BRD3: variants seen among roughly 807,000 people sequenced by gnomAD.
BRD3 encodes the protein bromodomain-containing protein 3.
BRD3 carries 17 observed loss-of-function variants against 66.8 expected under a neutral mutation model. That is an observed-to-expected ratio of 0.25 (90% CI 0.17 to 0.38). The LOEUF is 0.38. Among genes scored for constraint, BRD3 ranks in the 10% least tolerant of loss-of-function variants. The pLI is 1.00. For synonymous variants in BRD3, 421 were observed against 393.2 expected, an observed-to-expected ratio of 1.07 and a Z score of -0.84; for missense variants, 713 against 956.1, an observed-to-expected ratio of 0.75 and a Z score of 3.35.
intron 2 of BRD3, 54 bp from the exon 3 acceptor site, chr9:134,052,497 A>T: frequency 6.4e-7 from 1 of 1,565,142 alleles, no homozygotes; most frequent in Non-Finnish European, 8.6e-7. Flanking sequence ...AATTATTTTC[A>T]CAATTCCCAA....
At chr9:134,068,093 GGCCGGGCCCGC>G (rs1180497167), upstream of BRD3, 4 of 143,532 alleles carry the variant, frequency 2.8e-5, no homozygotes, top group Non-Finnish European at 6.2e-5. Context: ...CGTAGTCCGC[GGCCGGGCCCGC>G]GCCGGGGCCG....
chr9:134,051,765 A>T lies in BRD3; in HGVS notation c.352-56T>A, dbSNP rs376273658. The T allele has an allele frequency of 8.4e-6, 13 of 1,550,398 alleles. No individual in the cohort carries two copies. In the African/African-American group the frequency reaches 1.8e-4, roughly 22 times the overall value. ...CAGGAAAGGAGCTGTGTGCTTGCAA[A>T]GGACATTATTAGTTGTAGCTCAAAA... On this transcript the variant is annotated intron_variant, in intron 3 of 11. Transcript: ENST00000303407.
chr9:134,050,050 G>A (rs2132421625), intron 5 of BRD3, among the ~76,000 whole-genome samples: 1 of 152,344 alleles, frequency 6.6e-6, no homozygotes, highest in African/African-American at 2.4e-5. Flanking sequence ...AGCAGGGGAG[G>A]ACCGGGACCC....
At chr9:134,040,523 G>A (rs555480438) in intron 8 of BRD3, among the ~76,000 whole-genome samples, 10 of 152,312 alleles carry the variant, frequency 6.6e-5, no homozygotes, top group Non-Finnish European at 1.2e-4. Context: ...AGCACTGCGC[G>A]GGTGGCACAA....
intron 1 of BRD3, among the ~76,000 whole-genome samples, chr9:134,055,317 G>C (rs922928945): frequency 1.3e-5 from 2 of 152,172 alleles, no homozygotes; most frequent in African/African-American, 4.8e-5. Context: ...GAGTGAAAGC[G>C]AGTCCTGCCC....
rs201974693 is a variant in BRD3, at chr9:134,034,821, C to T, written c.1945G>A (p.Gly649Arg). Residue 649 changes from glycine to arginine, a missense_variant, in exon 11 of 12, where the codon GGG (glycine) becomes AGG (arginine). This residue lies in a region of BRD3 where 418 missense variants were observed against 609.3 expected (regional missense o/e 0.69). Transcript: ENST00000303407. ...TTCGACTTGGCTGCCTGTTTCTTCC[C>T]GCTTGCTGCTGTCGGGGAACAAATG... ...KKQRKPFSAS[G>R]KKQAAKSKEE... is the part of the protein sequence containing the mutation. 2.6e-5 allele frequency: 42 copies of T among 1,611,916 alleles called. No individual in the cohort carries two copies. The highest frequency in any genetic ancestry group is 3.3e-5 in the Non-Finnish European group (39 of 1,180,020).
chr9:134,038,990 C>T (rs986861681), intron 9 of BRD3, among the ~76,000 whole-genome samples: 2 of 152,062 alleles, frequency 1.3e-5, no homozygotes, highest in Admixed American at 1.3e-4. Flanking sequence ...AGACCTATCC[C>T]GACCATTCCA....
intron 1 of BRD3, among the ~76,000 whole-genome samples, chr9:134,067,593 G>T (rs1244812254): frequency 6.8e-6 from 1 of 146,756 alleles, no homozygotes; most frequent in Non-Finnish European, 1.5e-5. Flanking sequence ...CGCGGAGGCC[G>T]GGCTGGCGCG....
At chr9:134,034,537 G>T in intron 11 of BRD3, 164 bp downstream of exon 11, 1 of 1,008,494 alleles carries the variant, frequency 9.9e-7, no homozygotes, top group Non-Finnish European at 1.4e-6. Flanking sequence ...CCCAGTGACA[G>T]ACCAGGAAAT....
At position 134,036,309 on chromosome 9, in the gene BRD3, G is replaced by A. The variant is rs752279707; in HGVS notation, c.1659C>T (p.Gly553=). The A allele has an allele frequency of 1.7e-5, 27 of 1,603,972 alleles. No individual in the cohort carries two copies. The South Asian group carries it at 2.2e-4, about 13-fold the overall frequency. ...TTTAGRQLKK[G]GKQASASYDS... ...CGTAGGAGGCAGATGCCTGCTTGCC[G>A]CCTTTCTTCAGCTGTCTGGGGCAGG... The change falls in exon 10 of 12, where the codon GGC becomes GGT. Residue 553 remains glycine, a synonymous_variant. Coordinates refer to ENST00000303407, the MANE Select transcript of BRD3 (RefSeq NM_007371.4).
intron 5 of BRD3, among the ~76,000 whole-genome samples, chr9:134,049,117 G>C (rs1238972055): frequency 6.6e-6 from 1 of 152,114 alleles, no homozygotes; most frequent in Non-Finnish European, 1.5e-5. Context: ...GGAGAGGAGG[G>C]AGATGACCCA....
intron 10 of BRD3, among the ~76,000 whole-genome samples, chr9:134,035,228 C>T (rs561449796): frequency 2.6e-4 from 39 of 152,316 alleles, no homozygotes; most frequent in African/African-American, 6.3e-4. Flanking sequence ...GCAGGAGGCC[C>T]GGTCTCCACT....
intron 4 of BRD3, among the ~76,000 whole-genome samples, chr9:134,050,793 G>A (rs750859054): frequency 2.6e-5 from 4 of 152,112 alleles, no homozygotes; most frequent in African/African-American, 9.7e-5. Context: ...AGGGCTCCCT[G>A]CATGAAGTGG....
intron 1 of BRD3, among the ~76,000 whole-genome samples, chr9:134,064,365 T>TAAAAAATTAA (rs1461339592): frequency 7.7e-6 from 1 of 129,076 alleles, no homozygotes; most frequent in East Asian, 2.9e-4. Flanking sequence ...CCATCTTTAC[T>TAAAAAATTAA]AAAAAATTAA....
intron 3 of BRD3, 32 bp from the exon 4 acceptor site, chr9:134,051,741 A>AGGAAAGGAGCTGTGTGCTT (rs1485117955): frequency 6.3e-7 from 1 of 1,577,148 alleles, no homozygotes; most frequent in Admixed American, 2.1e-5. Flanking sequence ...GTCACGTGTC[A>AGGAAAGGAGCTGTGTGCTT]GGAAAGGAGC....
chr9:134,050,307 C>G (rs1166921785), intron 5 of BRD3, 67 bp downstream of exon 5: 9 of 1,506,886 alleles, frequency 6.0e-6, no homozygotes, highest in Non-Finnish European at 8.2e-6. Flanking sequence ...GCCTGCTGCT[C>G]CTGCCCTGAC....
At position 134,030,671 on chromosome 9, in the gene BRD3, C is replaced by T; in HGVS notation, c.*2919G>A. The T allele has an allele frequency of 4.3e-6, 1 of 230,082 alleles. No individual in the cohort carries two copies. Among genetic ancestry groups the T allele is most frequent in the South Asian group, 1.8e-4 (1 of 5,492 alleles). The allele number at this position is 230,082 out of a possible 1,614,324, so 14.3% of individuals were successfully genotyped here. A position where few individuals can be genotyped will look rare whatever the true frequency, so the allele number is the denominator to read the frequency against. On this transcript the variant is annotated 3_prime_UTR_variant, in exon 12 of 12. Coordinates refer to ENST00000303407, the MANE Select transcript of BRD3 (RefSeq NM_007371.4). ...ACAAATTCTGTATGTGGGTGTTACT[C>T]TTTCCCAAAAGACTGTCAGAGGCGT... is the stretch of plus-strand genomic sequence containing the variant.
Position 134,051,865 on chromosome 9 carries a change from G to T in BRD3, c.352-156C>A, listed in dbSNP as rs868832144. On this transcript the variant is annotated intron_variant, in intron 3 of 11. Transcript: ENST00000303407. ...TGAATATATGTGTGTGTGTGTGTGT[G>T]TGTGTGTGTGTGTTGTTTTTTTTGT... is the stretch of plus-strand genomic sequence containing the variant. 2.6e-3 allele frequency among the ~76,000 whole-genome samples: 301 copies of T among 115,092 alleles called. 5 individuals carry two copies. Among genetic ancestry groups the T allele is most frequent in the African/African-American group, 0.011 (287 of 26,178 alleles). 75.5% of individuals were successfully genotyped at this position (115,092 alleles called of 152,430 possible).
intron 10 of BRD3, 131 bp from the exon 11 acceptor site, chr9:134,034,960 C>T: frequency 7.2e-7 from 1 of 1,390,308 alleles, no homozygotes; most frequent in Non-Finnish European, 9.8e-7. Context: ...TTTCATGAGT[C>T]TGGGAGCTGA....
Sources: allele counts gnomAD v4.1 joint callset (sites outside exome capture counted in the v4.1 genomes callset), GRCh38; gene constraint gnomAD v4.1.1; regional missense constraint gnomAD v4.1.1; transcripts MANE v1.5; gene names NCBI Gene and HGNC (gene_info 2026-07-23, HGNC 2026-07-21).